Variants in TENT4A observed in about 807,000 individuals in gnomAD.
The protein encoded by TENT4A is DNA polymerase kappa.
TENT4A carries 7 observed loss-of-function variants against 72.8 expected under a neutral mutation model. The observed-to-expected ratio is 0.10, with a 90% CI of 0.05 to 0.18. The LOEUF is 0.18. Among genes scored for constraint, TENT4A ranks in the 10% least tolerant of loss-of-function variants. The pLI is 1.00. For synonymous variants in TENT4A, 456 were observed against 434.3 expected, an observed-to-expected ratio of 1.05 and a Z score of -0.62; for missense variants, 831 against 1,017.7, an observed-to-expected ratio of 0.82 and a Z score of 2.50.
In TENT4A at chr5:6,746,507, C is replaced by A. The variant is rs551946179; in HGVS notation, c.1459+80C>A. On this transcript the variant is annotated intron_variant, in intron 7 of 12. Transcript: ENST00000230859. ...TGGTGACAGGGCCTGTGTTGGGGCTCTGAGAGCCCCGGGCAGTTCATTTGC... is the reference window on the plus strand; with the variant it reads ...TGGTGACAGGGCCTGTGTTGGGGCTATGAGAGCCCCGGGCAGTTCATTTGC... 54 of 1,321,190 alleles carry A rather than the reference C, an allele frequency of 4.1e-5. No homozygotes were observed. In the East Asian group the frequency reaches 1.2e-3, roughly 29 times the overall value. 81.8% of individuals were successfully genotyped at this position (1,321,190 alleles called of 1,614,324 possible). A position where few individuals can be genotyped will look rare whatever the true frequency, so the allele number is the denominator to read the frequency against.
At chr5:6,736,969 C>T (rs1365266488) in intron 1 of TENT4A, among the ~76,000 whole-genome samples, 1 of 152,250 alleles carries the variant, frequency 6.6e-6, no homozygotes, top group African/African-American at 2.4e-5. Context: ...AGTGGATGGT[C>T]ACCAGGTAGC....
At chr5:6,731,332 A>C (rs1741201152) in intron 1 of TENT4A, among the ~76,000 whole-genome samples, 2 of 152,224 alleles carry the variant, frequency 1.3e-5, no homozygotes, top group African/African-American at 2.4e-5. Flanking sequence ...AACTGAACTC[A>C]CATGCAGTTT....
At position 6,714,709 on chromosome 5, in the gene TENT4A, C is replaced by CGGGGAGGCCGCG. The variant is rs1208843623; in HGVS notation, c.716+15_716+26dup. On this transcript the variant is annotated intron_variant, in intron 1 of 12. Transcript: ENST00000230859. Reference sequence around the variant, plus strand: ...GCCCGGGCATCCAGGGGTGAGTGCGCGGGGAGGCCGCGGGGGCGGGGGCGG... The same window carrying CGGGGAGGCCGCG: ...GCCCGGGCATCCAGGGGTGAGTGCGCGGGGAGGCCGCGGGGGAGGCCGCGGGGGCGGGGGCGG... 6.3e-6 allele frequency: 7 copies of CGGGGAGGCCGCG among 1,114,478 alleles called. No homozygotes were observed. Among genetic ancestry groups the CGGGGAGGCCGCG allele is most frequent in the Non-Finnish European group, 7.8e-6 (7 of 896,512 alleles). The allele number at this position is 1,114,478 out of a possible 1,614,324, so 69.0% of individuals were successfully genotyped here.
intron 1 of TENT4A, among the ~76,000 whole-genome samples, chr5:6,715,844 C>T (rs539415736): frequency 3.9e-5 from 6 of 152,170 alleles, no homozygotes; most frequent in Admixed American, 1.3e-4. Flanking sequence ...CTAAATTTCC[C>T]GAAGTGTAAA....
At chr5:6,750,192 A>G (rs1489005876) in intron 9 of TENT4A, 139 bp from the exon 10 acceptor site, 1 of 514,610 alleles carries the variant, frequency 1.9e-6, no homozygotes, top group African/African-American at 2.0e-5. Flanking sequence ...TTAAAATTAA[A>G]TTAGGCAAAA....
At chr5:6,726,280 A>G (rs1442279200) in intron 1 of TENT4A, among the ~76,000 whole-genome samples, 2 of 152,148 alleles carry the variant, frequency 1.3e-5, no homozygotes, top group African/African-American at 4.8e-5. Flanking sequence ...AGGCTCCTGA[A>G]GGGTCTGCAG....
chr5:6,753,054 G>A lies in TENT4A; in HGVS notation c.2184+17G>A, dbSNP rs1742502329. 1 of 1,590,490 alleles carries A rather than the reference G, an allele frequency of 6.3e-7. No homozygotes were observed. The highest frequency in any genetic ancestry group is 2.3e-5 in the East Asian group (1 of 44,200). ...TATCATAAGGTATAGCTCTGTCCTG[G>A]TGCATTCACCTACCTGTTCAAGCTG... On this transcript the variant is annotated intron_variant, in intron 12 of 12. Coordinates refer to ENST00000230859, the MANE Select transcript of TENT4A (RefSeq NM_006999.6).
intron 1 of TENT4A, among the ~76,000 whole-genome samples, chr5:6,727,617 T>G (rs1740999054): frequency 1.3e-5 from 2 of 152,340 alleles, no homozygotes; most frequent in Admixed American, 1.3e-4. Context: ...TTTCCGTAAC[T>G]GGCTGCTCGT....
intron 1 of TENT4A, among the ~76,000 whole-genome samples, chr5:6,724,976 G>A (rs375646796): frequency 2.6e-5 from 4 of 152,172 alleles, no homozygotes; most frequent in African/African-American, 9.7e-5. Context: ...TGTCTCTTTA[G>A]CCACTGGAAA....
intron 1 of TENT4A, among the ~76,000 whole-genome samples, chr5:6,726,066 A>C (rs1432309033): frequency 6.6e-6 from 1 of 152,140 alleles, no homozygotes; most frequent in Non-Finnish European, 1.5e-5. Context: ...TCTGGTGCCC[A>C]GTGGTGGTGT....
chr5:6,750,034 T>C (rs28381410), intron 9 of TENT4A, among the ~76,000 whole-genome samples: 11,445 of 152,336 alleles, frequency 0.075, 611 homozygotes, highest in Admixed American at 0.12. Flanking sequence ...TTCGTACTTA[T>C]AGTACATCCT....
At position 6,751,208 on chromosome 5, in the gene TENT4A, C is replaced by T. The variant is rs758438580; in HGVS notation, c.2019+11C>T. ...ACAACCAACAATCAGGTACGTGGCC[C>T]TCTGGCACCCTTCCCGCTGGTGGCC... is the stretch of plus-strand genomic sequence containing the variant. On this transcript the variant is annotated intron_variant, in intron 11 of 12. Coordinates refer to ENST00000230859, the MANE Select transcript of TENT4A (RefSeq NM_006999.6). 1.2e-6 allele frequency: 2 copies of T among 1,614,136 alleles called. No individual in the cohort carries two copies. Among genetic ancestry groups the T allele is most frequent in the East Asian group, 2.2e-5 (1 of 44,890 alleles).
intron 1 of TENT4A, among the ~76,000 whole-genome samples, chr5:6,722,866 C>T (rs938786941): frequency 6.6e-6 from 1 of 152,190 alleles, no homozygotes; most frequent in African/African-American, 2.4e-5. Context: ...GTAGAACTTC[C>T]TGTGGAGATG....
chr5:6,744,566 G>T (rs1001923835), intron 6 of TENT4A, among the ~76,000 whole-genome samples: 1 of 152,148 alleles, frequency 6.6e-6, no homozygotes, highest in Admixed American at 6.5e-5. Context: ...TGAGATTACC[G>T]AATCTGTCCA....
At chr5:6,719,088 G>A (rs1398050104) in intron 1 of TENT4A, among the ~76,000 whole-genome samples, 1 of 152,122 alleles carries the variant, frequency 6.6e-6, no homozygotes, top group African/African-American at 2.4e-5. Context: ...CTTTTTCTCA[G>A]AAATATTTAA....
intron 11 of TENT4A, 110 bp from the exon 12 acceptor site, chr5:6,752,763 A>G (rs1459280849): frequency 1.2e-6 from 1 of 863,672 alleles, no homozygotes; most frequent in Non-Finnish European, 1.9e-6. Context: ...TGGAGCCCAC[A>G]TGCAACTGTG....
chr5:6,738,293 G>A (rs1741614957), intron 2 of TENT4A, among the ~76,000 whole-genome samples: 1 of 152,110 alleles, frequency 6.6e-6, no homozygotes, highest in Non-Finnish European at 1.5e-5. Flanking sequence ...CCAGTTTTCT[G>A]CGCCTCTTTT....
intron 1 of TENT4A, among the ~76,000 whole-genome samples, chr5:6,733,024 G>A (rs570168819): frequency 5.9e-5 from 9 of 152,348 alleles, no homozygotes; most frequent in African/African-American, 2.2e-4. Flanking sequence ...TCCGGTTCTG[G>A]GGGCAGTGTT....
rs149976723 is a variant in TENT4A, at chr5:6,745,860, G to T, written c.1246-354G>T. The T allele has an allele frequency of 1.6e-4, 58 of 367,290 alleles. No individual in the cohort carries two copies. The East Asian group carries it at 5.2e-3, about 33-fold the overall frequency. 22.8% of individuals were successfully genotyped at this position (367,290 alleles called of 1,614,324 possible). ...TTCAGCATAACGAAATTAGGATGAC[G>T]AGAATCTGAAATTACATCTACCATC... On this transcript the variant is annotated intron_variant, in intron 6 of 12. Coordinates refer to ENST00000230859, the MANE Select transcript of TENT4A (RefSeq NM_006999.6).
Sources: gnomAD v4.1 joint callset for allele counts (sites outside exome capture counted in the v4.1 genomes callset) on GRCh38, gnomAD v4.1.1 for gene constraint, MANE v1.5 for transcripts, NCBI Gene and HGNC (gene_info 2026-07-23, HGNC 2026-07-21) for gene names.